Variants in DLC1 observed in about 807,000 individuals in gnomAD.
DLC1 encodes DLC1 Rho GTPase activating protein, also known as rho GTPase-activating protein 7.
In DLC1, 54 loss-of-function variants were observed where a neutral mutation model predicts 140.3. The observed-to-expected ratio is 0.38, with a 90% CI of 0.31 to 0.48. The LOEUF is 0.48. DLC1 is among the 20% of genes least tolerant of loss of function. DLC1 has a pLI of 0.96. For synonymous variants in DLC1, 986 were observed against 728.1 expected, an observed-to-expected ratio of 1.35 and a Z score of -5.70; for missense variants, 2,536 against 1,907.0, an observed-to-expected ratio of 1.33 and a Z score of -6.14.
intron 1 of DLC1, among the ~76,000 whole-genome samples, chr8:13,503,348 G>C (rs1319941156): frequency 1.3e-5 from 2 of 152,042 alleles, no homozygotes; most frequent in Admixed American, 6.5e-5. Flanking sequence ...AGACTGCAGT[G>C]AGCCATGATC....
In DLC1 at chr8:13,538,157, C is replaced by T. The variant is rs189019734; in HGVS notation, c.-125-37961G>A. Among the ~76,000 whole-genome samples the T allele has an allele frequency of 1.6e-4, 24 of 152,084 alleles. No homozygotes were observed. The East Asian group carries it at 4.3e-3, about 27-fold the overall frequency. On this transcript the variant is annotated intron_variant, in intron 1 of 1. Coordinates refer to the DLC1 transcript ENST00000631382. ...ATCTGAGGTTCTGTGGAGAAATAGG[C>T]CTTCTTAAATACTGGAAAGTGGGAG...
intron 2 of DLC1, among the ~76,000 whole-genome samples, chr8:13,467,146 TA>T (rs1799976571): frequency 6.6e-6 from 1 of 152,236 alleles, no homozygotes; most frequent in Non-Finnish European, 1.5e-5. Flanking sequence ...ATGACAATCT[TA>T]AAAATGTACA....
intron 1 of DLC1, among the ~76,000 whole-genome samples, chr8:13,544,613 C>G (rs1803595318): frequency 6.6e-6 from 1 of 152,096 alleles, no homozygotes; most frequent in Non-Finnish European, 1.5e-5. Flanking sequence ...ATGATTCATG[C>G]TCTTGAGAGT....
At chr8:13,179,793 A>G (rs1287371091) in intron 5 of DLC1, among the ~76,000 whole-genome samples, 4 of 152,096 alleles carry the variant, frequency 2.6e-5, no homozygotes, top group Non-Finnish European at 4.4e-5. Flanking sequence ...CACTTAACCA[A>G]TAAAGAAATA....
intron 1 of DLC1, among the ~76,000 whole-genome samples, chr8:13,559,861 C>T (rs1362474521): frequency 6.6e-6 from 1 of 152,098 alleles, no homozygotes; most frequent in Admixed American, 6.5e-5. Context: ...TATTCATTTC[C>T]TAGATTCCAA....
chr8:13,386,262 C>T (rs558399133), intron 4 of DLC1, among the ~76,000 whole-genome samples: 1 of 152,166 alleles, frequency 6.6e-6, no homozygotes, highest in East Asian at 1.9e-4. Context: ...ATCTATCATT[C>T]TTATGTGTTC....
chr8:13,499,780 G>T lies in DLC1; in HGVS notation c.292C>A (p.Leu98Ile). 2 of 1,614,004 alleles carry T rather than the reference G, an allele frequency of 1.2e-6. No individual in the cohort carries two copies. The highest frequency in any genetic ancestry group is 1.3e-5 in the African/African-American group (1 of 75,046). ...NDSHEGEDQF[L>I]SLEASTETLV... is the part of the protein sequence containing the mutation. ...GTTTCTGTGCTGGCTTCCAGAGAAA[G>T]AAACTGATCTTCACCTTCATGGCTG... The change falls in exon 2 of 18, where the codon CTT (leucine) becomes ATT (isoleucine). Residue 98 changes from leucine to isoleucine, a missense_variant. Leu to Ile is a conservative substitution (Grantham distance 5). Transcript: ENST00000276297.
intron 4 of DLC1, among the ~76,000 whole-genome samples, chr8:13,392,601 C>T (rs138280062): frequency 0.024 from 3,639 of 152,200 alleles, 76 homozygotes; most frequent in Middle Eastern, 0.11. Context: ...TAATACAACA[C>T]TATGATTTTC....
Position 13,102,481 on chromosome 8 carries a change from C to T in DLC1, c.1566+309G>A, listed in dbSNP as rs371773008. Among the ~76,000 whole-genome samples, 4 of 152,244 alleles carry T rather than the reference C, an allele frequency of 2.6e-5. No homozygotes were observed. In the East Asian group the frequency reaches 5.8e-4, roughly 22 times the overall value. On this transcript the variant is annotated intron_variant, in intron 8 of 17. Coordinates refer to ENST00000276297, the MANE Select transcript of DLC1 (RefSeq NM_182643.3). ...CAGTTTATTTCCTCTATGAGCAATG[C>T]AAAAATCCACTGGGATTCCTTAAGC...
intron 4 of DLC1, among the ~76,000 whole-genome samples, chr8:13,355,360 C>T (rs1254313610): frequency 3.3e-5 from 5 of 152,106 alleles, no homozygotes; most frequent in African/African-American, 7.2e-5. Flanking sequence ...TGGTGATGTG[C>T]GCCTGTAATC....
At chr8:13,316,763 T>G (rs758930233) in intron 4 of DLC1, among the ~76,000 whole-genome samples, 4 of 152,160 alleles carry the variant, frequency 2.6e-5, no homozygotes, top group Non-Finnish European at 4.4e-5. Context: ...CTCTGGTCAT[T>G]TGGGCCTTGG....
At chr8:13,094,033 A>G (rs1563575920) in intron 12 of DLC1, among the ~76,000 whole-genome samples, 1 of 152,252 alleles carries the variant, frequency 6.6e-6, no homozygotes, top group Non-Finnish European at 1.5e-5. Flanking sequence ...TTACAGCAAG[A>G]TAAAACACAC....
intron 5 of DLC1, among the ~76,000 whole-genome samples, chr8:13,220,386 C>T (rs928951245): frequency 6.6e-6 from 1 of 152,094 alleles, no homozygotes; most frequent in African/African-American, 2.4e-5. Flanking sequence ...GCTTGTGTAA[C>T]AAGTGGGGAT....
chr8:13,268,785 G>C (rs928785173), intron 5 of DLC1, among the ~76,000 whole-genome samples: 2 of 151,892 alleles, frequency 1.3e-5, no homozygotes, highest in Admixed American at 6.6e-5. Context: ...AGGGGAAGTG[G>C]GGCCTATAAG....
chr8:13,316,365 A>G (rs145603596), intron 4 of DLC1, among the ~76,000 whole-genome samples: 61 of 152,222 alleles, frequency 4.0e-4, no homozygotes, highest in African/African-American at 1.4e-3. Flanking sequence ...ATACAATACA[A>G]TTGTATTGTA....
intron 5 of DLC1, among the ~76,000 whole-genome samples, chr8:13,268,375 C>T (rs1360667602): frequency 2.0e-5 from 3 of 152,016 alleles, no homozygotes; most frequent in East Asian, 3.9e-4. Flanking sequence ...AGTGCAGTGG[C>T]GCGATCTCGG....
At chr8:13,214,557 C>CTTTTTTTTT in intron 5 of DLC1, 1 of 580,110 alleles carries the variant, frequency 1.7e-6, no homozygotes, top group Non-Finnish European at 3.1e-6. Flanking sequence ...CCAACCCCAC[C>CTTTTTTTTT]TTTTTTTTTT....
At chr8:13,577,743 T>C (rs11997128) in intron 1 of DLC1, among the ~76,000 whole-genome samples, 6,198 of 152,284 alleles carry the variant, frequency 0.041, 403 homozygotes, top group African/African-American at 0.14. Context: ...AGGATTTATA[T>C]ATGTGTGTAT....
chr8:13,318,018 T>A (rs564284724), intron 4 of DLC1, among the ~76,000 whole-genome samples: 2 of 152,252 alleles, frequency 1.3e-5, no homozygotes, highest in East Asian at 1.9e-4. Context: ...ATAACCTTTT[T>A]AAATTAAATT....
Sources: gnomAD v4.1 joint callset for allele counts (sites outside exome capture counted in the v4.1 genomes callset) on GRCh38, gnomAD v4.1.1 for gene constraint, MANE v1.5 for transcripts, NCBI Gene and HGNC (gene_info 2026-07-23, HGNC 2026-07-21) for gene names.